USP2: variants seen among roughly 807,000 people sequenced by gnomAD.
The protein encoded by USP2 is ubiquitin specific peptidase 2.
In USP2, 33 loss-of-function variants were observed where a neutral mutation model predicts 72.0. The ratio of observed to expected loss-of-function variants is 0.46; its 90% confidence interval spans 0.35 to 0.61. The LOEUF is 0.61. Ranked by LOEUF, USP2 falls within the 20% of genes least tolerant of loss-of-function variation. The pLI is 0.01. For synonymous variants in USP2, 296 were observed against 312.5 expected, an observed-to-expected ratio of 0.95 and a Z score of 0.56; for missense variants, 691 against 797.8, an observed-to-expected ratio of 0.87 and a Z score of 1.61.
Position 119,381,484 on chromosome 11 carries a change from T to C in USP2, c.-53A>G. ...CAGGTGGCACGTACCTGCCTCTTCTTGGAGTATGGACGAGTCGAACCGGGC... is the reference window on the plus strand; with the variant it reads ...CAGGTGGCACGTACCTGCCTCTTCTCGGAGTATGGACGAGTCGAACCGGGC... On this transcript the variant is annotated 5_prime_UTR_variant, in exon 1 of 13. Transcript: ENST00000260187. The C allele has an allele frequency of 6.5e-7, 1 of 1,536,114 alleles. No homozygotes were observed. The highest frequency in any genetic ancestry group is 8.7e-7 in the Non-Finnish European group (1 of 1,146,886).
At chr11:119,357,086 G>A (rs1487640468) in intron 12 of USP2, 101 bp downstream of exon 12, 45 of 1,316,162 alleles carry the variant, frequency 3.4e-5, no homozygotes, top group African/African-American at 4.6e-5. Flanking sequence ...GGTGTAAGCC[G>A]TGCGGGGGGT....
chr11:119,357,228 G>C lies in USP2; in HGVS notation c.1689C>G (p.Arg563=), dbSNP rs1356322011. 1.2e-5 allele frequency: 19 copies of C among 1,613,912 alleles called. No individual in the cohort carries two copies. The highest frequency in any genetic ancestry group is 1.5e-5 in the Non-Finnish European group (18 of 1,180,008). Residue 563 remains arginine (R), a synonymous_variant, in exon 12 of 13, where the codon CGC becomes CGG. Transcript: ENST00000260187. ...TGTGCCATTCTCCTGTCCCTGGACT[G>C]CGACAGTAGGCTGTATAGTGGCCAC... ...TMGGHYTAYC[R]SPGTGEWHTF...
At chr11:119,380,350 C>T (rs572530948) in intron 1 of USP2, among the ~76,000 whole-genome samples, 112 of 151,990 alleles carry the variant, frequency 7.4e-4, no homozygotes, top group African/African-American at 2.7e-3. Flanking sequence ...AAGGCCAAGC[C>T]CATCTGGGCT....
chr11:119,359,427 G>C, intron 4 of USP2, 85 bp from the exon 5 acceptor site: 15 of 1,587,982 alleles, frequency 9.4e-6, no homozygotes, highest in Non-Finnish European at 1.3e-5. Context: ...AAAGCAAGCA[G>C]AGAAAGACAG....
chr11:119,378,252 C>T (rs1423165383), intron 1 of USP2, among the ~76,000 whole-genome samples: 3 of 148,060 alleles, frequency 2.0e-5, no homozygotes, highest in African/African-American at 7.5e-5. Flanking sequence ...ACTATCTGGG[C>T]ACAAGTGTCT....
chr11:119,376,481 T>C (rs1179564396), intron 1 of USP2: 2 of 912,632 alleles, frequency 2.2e-6, no homozygotes, highest in Non-Finnish European at 2.6e-6. Context: ...TTTCACTGTT[T>C]ACCCAGAGCT....
chr11:119,371,739 C>T (rs1260959449), intron 2 of USP2, among the ~76,000 whole-genome samples: 1 of 152,126 alleles, frequency 6.6e-6, no homozygotes, highest in Admixed American at 6.5e-5. Context: ...GGAGGAGACA[C>T]AGCATCCAGC....
chr11:119,379,460 A>G (rs1378407645), intron 1 of USP2: 1 of 304,594 alleles, frequency 3.3e-6, no homozygotes, highest in East Asian at 1.7e-4. Flanking sequence ...GAAGCCATAC[A>G]GTTAGCCCCA....
At chr11:119,363,125 T>C (rs1048386084) in intron 2 of USP2, among the ~76,000 whole-genome samples, 2 of 152,232 alleles carry the variant, frequency 1.3e-5, no homozygotes, top group African/African-American at 4.8e-5. Flanking sequence ...CTAGGAAGCC[T>C]GGTGTGGCCC....
chr11:119,379,917 CTTTTTTT>C (rs397816714), intron 1 of USP2, among the ~76,000 whole-genome samples: 1 of 116,546 alleles, frequency 8.6e-6, no homozygotes, highest in African/African-American at 3.3e-5. Context: ...GTTCCTTTCT[CTTTTTTT>C]TTTTTTTTTT....
chr11:119,372,344 T>TG (rs1184880479), intron 2 of USP2, among the ~76,000 whole-genome samples: 1 of 152,202 alleles, frequency 6.6e-6, no homozygotes, highest in East Asian at 1.9e-4. Context: ...ACTGGTGGTC[T>TG]GGGCCCCCCC....
At chr11:119,377,080 T>C (rs2135412062) in intron 1 of USP2, among the ~76,000 whole-genome samples, 1 of 152,362 alleles carries the variant, frequency 6.6e-6, no homozygotes, top group African/African-American at 2.4e-5. Flanking sequence ...GCATTCATAT[T>C]TCTGAAGTTA....
intron 2 of USP2, among the ~76,000 whole-genome samples, chr11:119,365,277 C>T (rs538513131): frequency 6.6e-6 from 1 of 152,298 alleles, no homozygotes; most frequent in African/African-American, 2.4e-5. Context: ...TACATGGGGA[C>T]TGTGTCCAGG....
intron 6 of USP2, 89 bp downstream of exon 6, chr11:119,358,935 T>G (rs1020544967): frequency 4.6e-5 from 73 of 1,589,672 alleles, no homozygotes; most frequent in Non-Finnish European, 5.6e-5. Context: ...TAAATCAGAT[T>G]ATTCCCAAAT....
Position 119,356,700 on chromosome 11 carries a change from C to T in USP2, c.*135G>A. The stretch of plus-strand genomic sequence containing the variant: ...AGACCCTGATCAGGCTGCATCCACT[C>T]CTGCTCGGCAGCTTCAGGTTTGTTT... On this transcript the variant is annotated 3_prime_UTR_variant, in exon 13 of 13. Coordinates refer to ENST00000260187, the MANE Select transcript of USP2 (RefSeq NM_004205.5). 1 of 923,646 alleles carries T rather than the reference C, an allele frequency of 1.1e-6. No homozygotes were observed. The highest frequency in any genetic ancestry group is 1.6e-6 in the Non-Finnish European group (1 of 620,858). 57.2% of individuals were successfully genotyped at this position (923,646 alleles called of 1,614,324 possible).
At chr11:119,377,181 C>T (rs1951012304) in intron 1 of USP2, among the ~76,000 whole-genome samples, 1 of 152,308 alleles carries the variant, frequency 6.6e-6, no homozygotes, top group African/African-American at 2.4e-5. Context: ...GCTGTTATCA[C>T]GTCCATTTGC....
At chr11:119,371,567 T>C (rs615001) in intron 2 of USP2, among the ~76,000 whole-genome samples, 131,537 of 152,176 alleles carry the variant, frequency 0.86, 56,871 homozygotes, top group East Asian at 0.91. Context: ...AAAGTTGCTC[T>C]CTCAAGACCT....
intron 2 of USP2, among the ~76,000 whole-genome samples, chr11:119,368,273 C>T (rs932088440): frequency 1.3e-5 from 2 of 152,174 alleles, no homozygotes; most frequent in African/African-American, 2.4e-5. Context: ...TTAGTGATCC[C>T]GGGGTGGGAG....
intron 11 of USP2, 81 bp downstream of exon 11, chr11:119,357,402 G>T: frequency 6.2e-7 from 1 of 1,608,586 alleles, no homozygotes; most frequent in Non-Finnish European, 8.5e-7. Context: ...GCTGGTGCTG[G>T]CAGCTCCCCT....
Sources: allele counts gnomAD v4.1 joint callset (sites outside exome capture counted in the v4.1 genomes callset), GRCh38; gene constraint gnomAD v4.1.1; transcripts MANE v1.5; gene names NCBI Gene and HGNC (gene_info 2026-07-23, HGNC 2026-07-21).